TMEM132B: variants seen among roughly 807,000 people sequenced by gnomAD.
TMEM132B encodes transmembrane protein 132B.
A neutral mutation model predicts 90.8 loss-of-function variants in TMEM132B; 18 were observed. That is an observed-to-expected ratio of 0.20 (90% CI 0.14 to 0.29). TMEM132B has a LOEUF of 0.29. TMEM132B is among the 10% of genes least tolerant of loss of function. TMEM132B has a pLI of 1.00. For missense variants in TMEM132B, 1,096 were observed against 1,326.8 expected (o/e 0.83, Z 2.70); for synonymous variants, 504 against 523.3 (o/e 0.96, Z 0.50).
chr12:125,511,851 CAAA>C (rs35364069), intron 3 of TMEM132B, among the ~76,000 whole-genome samples: 5 of 111,148 alleles, frequency 4.5e-5, no homozygotes, highest in Admixed American at 2.0e-4. Flanking sequence ...GACTCTATCT[CAAA>C]AAAAAAAAAA....
At chr12:125,594,929 C>T (rs1885403793) in intron 5 of TMEM132B, among the ~76,000 whole-genome samples, 1 of 152,100 alleles carries the variant, frequency 6.6e-6, no homozygotes, top group South Asian at 2.1e-4. Context: ...CTCATCAGCT[C>T]CCACCCTGCC....
At chr12:125,199,452 G>A (rs145402442) in intron 1 of TMEM132B, among the ~76,000 whole-genome samples, 160 of 152,296 alleles carry the variant, frequency 1.1e-3, no homozygotes, top group African/African-American at 3.6e-3. Flanking sequence ...GCCATGGTTT[G>A]TAGGTTCTGG....
Position 125,655,351 on chromosome 12 carries a change from G to A in TMEM132B, c.*641G>A, listed in dbSNP as rs1887033753. On this transcript the variant is annotated 3_prime_UTR_variant, in exon 9 of 9. Transcript: ENST00000682704. ...TATTTCCTGGGTCTCCATGCAGGAT[G>A]TCAGGTTTTTCCAGTTTTCTGCACT... The A allele has an allele frequency of 6.6e-6, 1 of 152,224 alleles. No individual in the cohort carries two copies. Among genetic ancestry groups the A allele is most frequent in the South Asian group, 2.1e-4 (1 of 4,828 alleles). The allele number at this position is 152,224 out of a possible 1,614,324, so 9.4% of individuals were successfully genotyped here.
At chr12:125,472,660 C>T (rs1881754216) in intron 3 of TMEM132B, among the ~76,000 whole-genome samples, 1 of 152,066 alleles carries the variant, frequency 6.6e-6, no homozygotes, top group African/African-American at 2.4e-5. Context: ...ATGAGGGCCC[C>T]ACCCTCATGC....
chr12:125,465,242 A>G (rs1467051824), intron 3 of TMEM132B, among the ~76,000 whole-genome samples: 1 of 152,200 alleles, frequency 6.6e-6, no homozygotes, highest in African/African-American at 2.4e-5. Flanking sequence ...CTCAATGATC[A>G]GAAATTACCT....
intron 5 of TMEM132B, among the ~76,000 whole-genome samples, chr12:125,614,735 A>G (rs1052477515): frequency 2.0e-5 from 3 of 152,188 alleles, no homozygotes; most frequent in Admixed American, 1.3e-4. Context: ...AACTTAAAAC[A>G]GAGCTACCAT....
At chr12:125,555,980 G>C (rs1186438621) in intron 4 of TMEM132B, among the ~76,000 whole-genome samples, 1 of 152,186 alleles carries the variant, frequency 6.6e-6, no homozygotes, top group Non-Finnish European at 1.5e-5. Flanking sequence ...CTGCTGTCTT[G>C]GGTGTCTGCT....
intron 4 of TMEM132B, among the ~76,000 whole-genome samples, chr12:125,539,177 C>T (rs986264928): frequency 6.6e-6 from 1 of 152,228 alleles, no homozygotes; most frequent in African/African-American, 2.4e-5. Context: ...GACGCCATGA[C>T]ACACACATTC....
chr12:125,301,411 CA>C (rs949085808), intron 1 of TMEM132B: 2 of 152,308 alleles, frequency 1.3e-5, no homozygotes, highest in Admixed American at 1.3e-4. Flanking sequence ...GCCCGTGCAC[CA>C]GCCCTGTGCC....
intron 5 of TMEM132B, among the ~76,000 whole-genome samples, chr12:125,610,127 T>C (rs1251233401): frequency 2.0e-5 from 3 of 152,142 alleles, no homozygotes; most frequent in Admixed American, 2.0e-4. Context: ...GTTCTAATTG[T>C]TATTAGTGGG....
chr12:125,311,774 G>A (rs920057637), intron 1 of TMEM132B, among the ~76,000 whole-genome samples: 1 of 152,174 alleles, frequency 6.6e-6, no homozygotes, highest in Admixed American at 6.5e-5. Context: ...GGGGCAGGGA[G>A]GTTGGGTGGG....
chr12:125,526,600 T>C (rs971837577), intron 4 of TMEM132B, among the ~76,000 whole-genome samples: 6 of 152,240 alleles, frequency 3.9e-5, no homozygotes, highest in African/African-American at 1.2e-4. Flanking sequence ...CCCAGACTTA[T>C]GATTTAGGAC....
chr12:125,224,767 G>A (rs149423004), intron 1 of TMEM132B, among the ~76,000 whole-genome samples: 2 of 152,304 alleles, frequency 1.3e-5, no homozygotes, highest in East Asian at 3.9e-4. Flanking sequence ...GGCCTTTTCT[G>A]GCCACTTAAA....
chr12:125,584,065 G>A (rs749958083), intron 5 of TMEM132B, 71 bp downstream of exon 5: 1 of 1,607,332 alleles, frequency 6.2e-7, no homozygotes. Context: ...TTGTCTCCAA[G>A]GTCTTGTTCT....
At position 125,406,376 on chromosome 12, in the gene TMEM132B, C is replaced by G. The variant is rs1305176488; in HGVS notation, c.960-9155C>G. ...AGCAGTGCAAGGCGGAGGACAGTGC[C>G]TGGCTTCTAGAAGGGGCTTGAGACA... is the stretch of plus-strand genomic sequence containing the variant. On this transcript the variant is annotated intron_variant, in intron 2 of 8. Coordinates refer to ENST00000682704, the MANE Select transcript of TMEM132B (RefSeq NM_001366854.1). This position sits in a 1 kb window ranked among gnomAD's most constrained non-coding sequence, Gnocchi z 8.3. Among the ~76,000 whole-genome samples, 1 of 152,206 alleles carries G rather than the reference C, an allele frequency of 6.6e-6. No individual in the cohort carries two copies. Among genetic ancestry groups the G allele is most frequent in the African/African-American group, 2.4e-5 (1 of 41,454 alleles).
intron 5 of TMEM132B, chr12:125,587,087 T>G (rs1353997147): frequency 6.6e-5 from 10 of 151,968 alleles, no homozygotes; most frequent in Admixed American, 5.9e-4. Context: ...ACAGTCTGAT[T>G]CAGTTCTATC....
At chr12:125,188,852 CAAAAA>C (rs72059024) in intron 1 of TMEM132B, among the ~76,000 whole-genome samples, 6 of 91,206 alleles carry the variant, frequency 6.6e-5, no homozygotes, top group African/African-American at 1.3e-4. Context: ...GGAGGGATGG[CAAAAA>C]AAAAAAAAAA....
intron 2 of TMEM132B, among the ~76,000 whole-genome samples, chr12:125,389,746 T>G (rs1167687655): frequency 6.6e-6 from 1 of 152,166 alleles, no homozygotes; most frequent in Non-Finnish European, 1.5e-5. Flanking sequence ...GTGGCAGGGT[T>G]TCTTCTAGAT....
chr12:125,310,155 A>G (rs1876089297), intron 1 of TMEM132B, among the ~76,000 whole-genome samples: 1 of 152,172 alleles, frequency 6.6e-6, no homozygotes, highest in Admixed American at 6.5e-5. Flanking sequence ...ACCCAGACTC[A>G]AAGGGAAGGG....
Sources: gnomAD v4.1 joint callset for allele counts (sites outside exome capture counted in the v4.1 genomes callset) on GRCh38, gnomAD v4.1.1 for gene constraint, Gnocchi (gnomAD v3.1) non-coding constraint, MANE v1.5 for transcripts, NCBI Gene and HGNC (gene_info 2026-07-23, HGNC 2026-07-21) for gene names.